PLEC: variants seen among roughly 807,000 people sequenced by gnomAD.
PLEC encodes plectin.
A neutral mutation model predicts 392.8 loss-of-function variants in PLEC; 216 were observed. The observed-to-expected ratio is 0.55, with a 90% CI of 0.49 to 0.62. PLEC has a LOEUF of 0.62. PLEC is among the 20% of genes least tolerant of loss of function. The pLI is 0.00. For missense variants in PLEC, 6,863 were observed against 6,563.4 expected, an observed-to-expected ratio of 1.05 and a Z score of -1.58; for synonymous variants, 3,621 against 2,980.6, an observed-to-expected ratio of 1.21 and a Z score of -7.00.
At chr8:143,958,643 T>TC (rs150250973), upstream of PLEC, 7,927 of 453,044 alleles carry the variant, frequency 0.017, 558 homozygotes, top group African/African-American at 0.14. The surrounding 1 kb of genome is among the most constrained non-coding windows in gnomAD (Gnocchi z 4.9). Context: ...CACAAGCAGG[T>TC]CCCACCACAG....
In PLEC at chr8:143,918,484, G is replaced by A. The variant is rs1554675419; in HGVS notation, c.11337C>T (p.Thr3779=). The change falls in exon 32 of 32, where the codon ACC becomes ACT. Residue 3779 remains threonine, a synonymous_variant. Coordinates refer to ENST00000345136, the MANE Select transcript of PLEC (RefSeq NM_201384.3). ...TCTTCATGGCCTGGAAGAGCGAGATGGTCTGCTCGGTGTAGGGGTCACGGT... is the reference window on the plus strand; with the variant it reads ...TCTTCATGGCCTGGAAGAGCGAGATAGTCTGCTCGGTGTAGGGGTCACGGT... The part of the protein sequence containing the change: ...TGYRDPYTEQ[T]ISLFQAMKKE... The A allele has an allele frequency of 2.5e-6, 4 of 1,599,044 alleles. No homozygotes were observed. Among genetic ancestry groups the A allele is most frequent in the Non-Finnish European group, 3.4e-6 (4 of 1,174,216 alleles).
chr8:143,924,072 T>C lies in PLEC; in HGVS notation c.5857A>G (p.Ser1953Gly). 2.5e-6 allele frequency: 4 copies of C among 1,597,792 alleles called. No individual in the cohort carries two copies. Among genetic ancestry groups the C allele is most frequent in the East Asian group, 4.5e-5 (2 of 44,746 alleles). ...ELELELGRIRSNAEDTLRSKE... is the reference protein window; with the variant it reads ...ELELELGRIRGNAEDTLRSKE... The stretch of plus-strand genomic sequence containing the variant: ...CTGCGCAGCGTGTCCTCCGCGTTGC[T>C]GCGGATGCGTCCCAGCTCCAGCTCC... Residue 1953 changes from serine to glycine, a missense_variant, in exon 31 of 32, where the codon AGC (serine) becomes GGC (glycine). Coordinates refer to ENST00000345136, the MANE Select transcript of PLEC (RefSeq NM_201384.3).
chr8:143,966,670 G>A (rs1407177285), intron 1 of PLEC, among the ~76,000 whole-genome samples: 2 of 151,914 alleles, frequency 1.3e-5, no homozygotes, highest in Non-Finnish European at 2.9e-5. Flanking sequence ...CAAAAGTGAA[G>A]CAACACATAG....
At chr8:143,959,158 C>A (rs547902947) in intron 1 of PLEC, among the ~76,000 whole-genome samples, 2 of 152,324 alleles carry the variant, frequency 1.3e-5, no homozygotes, top group South Asian at 4.1e-4. Context: ...AGGCGCAGCT[C>A]TCGGTCCAGC....
At chr8:143,926,078 T>C (rs1303048519) in intron 30 of PLEC, among the ~76,000 whole-genome samples, 194 bp from the exon 31 acceptor site, 1 of 152,230 alleles carries the variant, frequency 6.6e-6, no homozygotes, top group African/African-American at 2.4e-5. Context: ...CCGGCCCCAC[T>C]GTGCTCACCA....
rs954157749 is a variant in PLEC at position 143,922,132 on chromosome 8, C to A, written c.7689G>T (p.Glu2563Asp). The change falls in exon 32 of 32, where the codon GAG (glutamate) becomes GAT (aspartate). Residue 2563 changes from glutamate (E) to aspartate (D), a missense_variant. Glu to Asp is a conservative substitution (Grantham distance 45). Transcript: ENST00000345136. ...EEARRRQHEA[E>D]EGVRRKQEEL... ...CCTCCTGCTTGCGCCGCACGCCCTC[C>A]TCGGCCTCATGCTGCCGCCGCCGCG... 6.5e-7 allele frequency: 1 copy of A among 1,541,710 alleles called. No homozygotes were observed. The highest frequency in any genetic ancestry group is 8.7e-7 in the Non-Finnish European group (1 of 1,149,532).
rs1564030457 is a variant in PLEC, at chr8:143,923,980, G to GCGCCGCCGCTCCTCCTC, written c.5932_5948dup (p.Glu1985ArgfsTer36). On this transcript the variant is annotated frameshift_variant, in exon 31 of 32. Transcript: ENST00000345136. LOFTEE classifies it high-confidence loss of function. ...TCTGCACGCGCTCCTCAGCCTCACGGCGCCGCCGCTCCTCCTCCGCCGCCA... is the reference window on the plus strand; with the variant it reads ...TCTGCACGCGCTCCTCAGCCTCACGGCGCCGCCGCTCCTCCTCCGCCGCCGCTCCTCCTCCGCCGCCA... 1 of 1,583,642 alleles carries GCGCCGCCGCTCCTCCTC rather than the reference G, an allele frequency of 6.3e-7. No homozygotes were observed. Among genetic ancestry groups the GCGCCGCCGCTCCTCCTC allele is most frequent in the Admixed American group, 1.7e-5 (1 of 58,844 alleles).
chr8:143,938,387 A>C, intron 2 of PLEC, 147 bp from the exon 3 acceptor site: 2 of 1,535,540 alleles, frequency 1.3e-6, no homozygotes, highest in South Asian at 1.2e-5. Flanking sequence ...ACCCTGCCCC[A>C]CGGAGGCACC....
At chr8:143,976,125 C>A (rs1195210491), upstream of PLEC, among the ~76,000 whole-genome samples, 1 of 152,224 alleles carries the variant, frequency 6.6e-6, no homozygotes, top group Non-Finnish European at 1.5e-5. Context: ...GCGTGGGCCG[C>A]GGGAGCTCTG....
rs1252361592 is a variant in PLEC at position 143,920,510 on chromosome 8, C to T, written c.9311G>A (p.Gly3104Glu). ...KLLSAEKAVT[G>E]YRDPYTGQSV... ...CTGCCCTGTGTAGGGGTCCCTGTAC[C>T]CTGTCACAGCCTTCTCGGCTGATAG... Residue 3104 changes from glycine to glutamate, a missense_variant, in exon 32 of 32, where the codon GGG (glycine) becomes GAG (glutamate). Transcript: ENST00000345136. The T allele has an allele frequency of 1.9e-6, 3 of 1,610,680 alleles. No individual in the cohort carries two copies. Among genetic ancestry groups the T allele is most frequent in the African/African-American group, 2.7e-5 (2 of 74,900 alleles).
Position 143,915,922 on chromosome 8 carries a change from G to A in PLEC, c.*255C>T, listed in dbSNP as rs529314500. 5.7e-6 allele frequency: 2 copies of A among 352,844 alleles called. No homozygotes were observed. Among genetic ancestry groups the A allele is most frequent in the African/African-American group, 4.4e-5 (2 of 45,276 alleles). The allele number at this position is 352,844 out of a possible 1,614,324, so 21.9% of individuals were successfully genotyped here. On this transcript the variant is annotated 3_prime_UTR_variant, in exon 32 of 32. Transcript: ENST00000345136. Reference sequence around the variant, plus strand: ...CAGCTTGGGACCCTCCAAGGCACCTGGCTGTGTGAGTGGCAGGTAGAAGGG... The same window carrying A: ...CAGCTTGGGACCCTCCAAGGCACCTAGCTGTGTGAGTGGCAGGTAGAAGGG...
At position 143,920,150 on chromosome 8, in the gene PLEC, A is replaced by G. The variant is rs1554680772; in HGVS notation, c.9671T>C (p.Leu3224Pro). Residue 3224 changes from leucine (L) to proline (P), a missense_variant, in exon 32 of 32, where the codon CTC (leucine) becomes CCC (proline). Physicochemically the swap from Leu to Pro is moderately conservative, Grantham distance 98 (BLOSUM62 -3). Transcript: ENST00000345136. ...CTCACGGGCCTGCAGCTCTGAGTAG[A>G]GCTCCTCCTGCCGGGCCCGAGCAGC... ...EKAARARQEELYSELQARETF... is the reference protein window; with the variant it reads ...EKAARARQEEPYSELQARETF... The G allele has an allele frequency of 1.2e-6, 2 of 1,612,652 alleles. No homozygotes were observed. The highest frequency in any genetic ancestry group is 1.7e-6 in the Non-Finnish European group (2 of 1,180,020).
upstream of PLEC, among the ~76,000 whole-genome samples, chr8:143,952,195 C>G (rs1554737213): frequency 8.0e-6 from 1 of 124,876 alleles, no homozygotes; most frequent in African/African-American, 3.5e-5. Context: ...CACACACACA[C>G]ACACACACAC....
chr8:143,944,307 C>T (rs1831102984), upstream of PLEC, among the ~76,000 whole-genome samples: 1 of 152,218 alleles, frequency 6.6e-6, no homozygotes, highest in Admixed American at 6.5e-5. Context: ...CCAGCCTCCC[C>T]CTGCTGTCCC....
chr8:143,957,784 C>A (rs1402527844), upstream of PLEC, among the ~76,000 whole-genome samples: 1 of 152,196 alleles, frequency 6.6e-6, no homozygotes, highest in Non-Finnish European at 1.5e-5. Flanking sequence ...CAGCTTTGCT[C>A]CCTGCCCCAT....
chr8:143,936,667 T>C (rs1564161321), intron 5 of PLEC, among the ~76,000 whole-genome samples: 1 of 152,182 alleles, frequency 6.6e-6, no homozygotes, highest in Non-Finnish European at 1.5e-5. Context: ...TGAGTCAGCC[T>C]GTGCTGCGCA....
At position 143,918,493 on chromosome 8, in the gene PLEC, G is replaced by C. The variant is rs558415777; in HGVS notation, c.11328C>G (p.Thr3776=). 1.2e-6 allele frequency: 2 copies of C among 1,601,796 alleles called. No homozygotes were observed. The highest frequency in any genetic ancestry group is 3.4e-5 in the Admixed American group (2 of 58,552). The change falls in exon 32 of 32, where the codon ACC becomes ACG. Residue 3776 remains threonine (T), a synonymous_variant. Transcript: ENST00000345136. ...CCTGGAAGAGCGAGATGGTCTGCTC[G>C]GTGTAGGGGTCACGGTAGCCGGTGA... ...RAVTGYRDPY[T]EQTISLFQAM... is the part of the protein sequence containing the mutation.
rs1554693524 is a variant in PLEC at position 143,923,654 on chromosome 8, T to C, written c.6275A>G (p.Glu2092Gly). ...CGCCTGCACCCGGGCCTCCTCCGCC[T>C]CCTCAGCCGCCCGCCGGGCCGCCTC... ...EAEAARRAAE[E>G]AEEARVQAER... Residue 2092 changes from glutamate to glycine, a missense_variant, in exon 31 of 32, where the codon GAG becomes GGG. Coordinates refer to ENST00000345136, the MANE Select transcript of PLEC (RefSeq NM_201384.3). The C allele has an allele frequency of 2.5e-6, 4 of 1,570,866 alleles. No individual in the cohort carries two copies. Among genetic ancestry groups the C allele is most frequent in the East Asian group, 2.3e-5 (1 of 42,718 alleles).
At chr8:143,933,445 A>G in intron 12 of PLEC, 94 bp from the exon 13 acceptor site, 1 of 1,468,144 alleles carries the variant, frequency 6.8e-7, no homozygotes, top group Non-Finnish European at 9.4e-7. Flanking sequence ...CCGCTTCCTC[A>G]GCCTCAGTGG....
Sources: gnomAD v4.1 joint callset for allele counts (sites outside exome capture counted in the v4.1 genomes callset) on GRCh38, gnomAD v4.1.1 for gene constraint, Gnocchi (gnomAD v3.1) non-coding constraint, MANE v1.5 for transcripts, NCBI Gene and HGNC (gene_info 2026-07-23, HGNC 2026-07-21) for gene names.